PTPRD: variants seen among roughly 807,000 people sequenced by gnomAD.
PTPRD encodes protein tyrosine phosphatase receptor type D, also known as receptor-type tyrosine-protein phosphatase delta.
PTPRD carries 34 observed loss-of-function variants against 214.5 expected under a neutral mutation model. The observed-to-expected ratio is 0.16, with a 90% confidence interval of 0.12 to 0.21. The LOEUF is 0.21. Ranked by LOEUF, PTPRD falls within the 10% of genes least tolerant of loss-of-function variation. The pLI is 1.00. For synonymous variants in PTPRD, 1,128 were observed against 845.7 expected (o/e 1.33, Z -5.79); for missense variants, 2,545 against 2,398.7 (o/e 1.06, Z -1.27).
chr9:8,566,681 G>A (rs1439636234), intron 14 of PTPRD, among the ~76,000 whole-genome samples: 1 of 152,146 alleles, frequency 6.6e-6, no homozygotes, highest in African/African-American at 2.4e-5. Flanking sequence ...ACTGAAATAC[G>A]TTAGACACTC....
chr9:9,848,898 T>A (rs887558840), intron 5 of PTPRD, among the ~76,000 whole-genome samples: 1 of 152,010 alleles, frequency 6.6e-6, no homozygotes. Context: ...TCTTTAAAAA[T>A]CAATTAATAA....
At chr9:8,865,460 CA>C (rs2098179861) in intron 11 of PTPRD, among the ~76,000 whole-genome samples, 1 of 152,112 alleles carries the variant, frequency 6.6e-6, no homozygotes, top group Admixed American at 6.6e-5. Context: ...AACTGGTTGT[CA>C]GGTGCACATC....
chr9:9,026,393 G>A (rs1295705681), intron 10 of PTPRD, among the ~76,000 whole-genome samples: 1 of 151,902 alleles, frequency 6.6e-6, no homozygotes, highest in Non-Finnish European at 1.5e-5. Flanking sequence ...ATGGTAAGTT[G>A]ACCATAGTAA....
rs368490239 is a variant in PTPRD at position 10,034,938 on chromosome 9, ATGGTAATAGGATTGC to A, written c.-544-1163_-544-1149del. 1.5e-4 allele frequency among the ~76,000 whole-genome samples: 23 copies of A among 152,228 alleles called. No individual in the cohort carries two copies. In the South Asian group the frequency reaches 1.7e-3, roughly 11 times the overall value. On this transcript the variant is annotated intron_variant, in intron 3 of 45. Transcript: ENST00000381196. ...GAACAATTCATATTCCTTTGAGTAT[ATGGTAATAGGATTGC>A]TAGTAATAGGATTGCTAGTAATAGG...
chr9:9,966,356 T>G (rs1366517112), intron 4 of PTPRD, among the ~76,000 whole-genome samples: 1 of 152,178 alleles, frequency 6.6e-6, no homozygotes, highest in Non-Finnish European at 1.5e-5. Context: ...TATTTTTCTT[T>G]TTGACACATC....
chr9:8,653,746 G>C (rs749806656), intron 12 of PTPRD, among the ~76,000 whole-genome samples: 1 of 152,106 alleles, frequency 6.6e-6, no homozygotes, highest in Non-Finnish European at 1.5e-5. Context: ...TACATCAACA[G>C]ATAAAATAAT....
At chr9:9,581,079 C>T (rs1410445319) in intron 7 of PTPRD, among the ~76,000 whole-genome samples, 1 of 152,048 alleles carries the variant, frequency 6.6e-6, no homozygotes, top group Non-Finnish European at 1.5e-5. Context: ...AAAATTGTAT[C>T]TTCATAAAGC....
At chr9:9,659,166 C>A (rs2096576546) in intron 7 of PTPRD, among the ~76,000 whole-genome samples, 2 of 152,094 alleles carry the variant, frequency 1.3e-5, no homozygotes, top group Non-Finnish European at 1.5e-5. Flanking sequence ...TCATTAGTTA[C>A]AAGTGAGGTG....
intron 10 of PTPRD, among the ~76,000 whole-genome samples, chr9:9,162,442 C>T (rs2099891676): frequency 6.6e-6 from 1 of 152,150 alleles, no homozygotes; most frequent in African/African-American, 2.4e-5. Context: ...TTGGACTTCT[C>T]ACTGCCCAAG....
intron 3 of PTPRD, among the ~76,000 whole-genome samples, chr9:10,231,581 T>C (rs2099610070): frequency 6.6e-6 from 1 of 151,832 alleles, no homozygotes; most frequent in Non-Finnish European, 1.5e-5. Context: ...CACATACACA[T>C]GCATGCGTGA....
At chr9:9,195,878 G>A (rs1295071108) in intron 9 of PTPRD, among the ~76,000 whole-genome samples, 4 of 152,016 alleles carry the variant, frequency 2.6e-5, no homozygotes, top group Non-Finnish European at 4.4e-5. Context: ...GCTGGTCATT[G>A]TTTCATTATT....
rs184705636 is a variant in PTPRD, at chr9:10,157,920, G to C, written c.-544-124130C>G. 2.6e-5 allele frequency among the ~76,000 whole-genome samples: 4 copies of C among 152,088 alleles called. No individual in the cohort carries two copies. The South Asian group carries it at 8.3e-4, about 32-fold the overall frequency. On this transcript the variant is annotated intron_variant, in intron 3 of 45. Coordinates refer to ENST00000381196, the MANE Select transcript of PTPRD (RefSeq NM_002839.4). ...AGCTCTGAGATTCTTCCTTTGGCTT[G>C]TTCTATTGTGCTACTAATACCGGTG... is the stretch of plus-strand genomic sequence containing the variant.
At chr9:8,389,202 A>C in intron 37 of PTPRD, 30 bp downstream of exon 37, 2 of 1,563,804 alleles carry the variant, frequency 1.3e-6, no homozygotes, top group Non-Finnish European at 1.7e-6. Context: ...GAAAATTTTT[A>C]AAAGGAAAGA....
chr9:10,076,439 A>T (rs2154184769), intron 3 of PTPRD, among the ~76,000 whole-genome samples: 1 of 152,262 alleles, frequency 6.6e-6, no homozygotes, highest in South Asian at 2.1e-4. Context: ...ATCATTGCTT[A>T]TTAACTCTGA....
chr9:8,796,444 C>A (rs13289203), intron 11 of PTPRD, among the ~76,000 whole-genome samples: 25,924 of 152,078 alleles, frequency 0.17, 2,595 homozygotes, highest in Non-Finnish European at 0.22. Flanking sequence ...CAATTATCAG[C>A]AGCTCAGAGT....
chr9:10,602,787 C>A (rs977124), intron 2 of PTPRD, among the ~76,000 whole-genome samples: 15,855 of 151,648 alleles, frequency 0.1, 1,029 homozygotes, highest in East Asian at 0.21. Context: ...AATCAGTATC[C>A]TTACATTTTA....
At chr9:9,796,757 G>T (rs1300813238) in intron 5 of PTPRD, among the ~76,000 whole-genome samples, 1 of 152,198 alleles carries the variant, frequency 6.6e-6, no homozygotes, top group East Asian at 1.9e-4. Flanking sequence ...CTTCAGGAAT[G>T]AAAGGGCCAT....
intron 11 of PTPRD, among the ~76,000 whole-genome samples, chr9:8,842,212 A>T (rs2097572675): frequency 6.6e-6 from 1 of 152,160 alleles, no homozygotes; most frequent in South Asian, 2.1e-4. Flanking sequence ...AATGTGAAAG[A>T]AAAAGAGAAA....
At chr9:8,639,688 T>A (rs560085270) in intron 12 of PTPRD, among the ~76,000 whole-genome samples, 1 of 152,200 alleles carries the variant, frequency 6.6e-6, no homozygotes, top group African/African-American at 2.4e-5. Flanking sequence ...AATCTGCAAC[T>A]AGGCAATGGA....
Sources: gnomAD v4.1 joint callset for allele counts (sites outside exome capture counted in the v4.1 genomes callset) on GRCh38, gnomAD v4.1.1 for gene constraint, MANE v1.5 for transcripts, NCBI Gene and HGNC (gene_info 2026-07-23, HGNC 2026-07-21) for gene names.